The following TEX9 variants were observed in gnomAD, a reference collection of about 807,000 sequenced individuals.
TEX9 encodes testis expressed 9.
Under a neutral mutation model 59.6 loss-of-function variants are expected in TEX9, and 74 were observed. The observed-to-expected ratio is 1.24, with a 90% confidence interval of 1.03 to 1.51. The LOEUF is 1.51. Ranked by LOEUF, TEX9 falls within the 40% of genes most tolerant of loss-of-function variation. The pLI is 0.00. For missense variants in TEX9, 522 were observed against 447.8 expected, an observed-to-expected ratio of 1.17 and a Z score of -1.49; for synonymous variants, 186 against 152.2, an observed-to-expected ratio of 1.22 and a Z score of -1.64.
At chr15:56,374,880 C>A (rs1331878180) in intron 3 of TEX9, among the ~76,000 whole-genome samples, 1 of 152,124 alleles carries the variant, frequency 6.6e-6, no homozygotes, top group Non-Finnish European at 1.5e-5. Flanking sequence ...GACAGGGCCT[C>A]ATTATTTTTT....
chr15:56,395,124 A>G, intron 9 of TEX9: 2 of 382,248 alleles, frequency 5.2e-6, no homozygotes, highest in Non-Finnish European at 4.6e-6. Context: ...CCACACCCTG[A>G]CCCTGCTCCC....
chr15:56,273,244 C>T (rs182289751), intron 1 of TEX9, among the ~76,000 whole-genome samples: 3 of 152,142 alleles, frequency 2.0e-5, no homozygotes, highest in East Asian at 1.9e-4. Flanking sequence ...CACACCCGGC[C>T]GAATTGTGTA....
intron 1 of TEX9, among the ~76,000 whole-genome samples, chr15:56,272,788 C>T (rs142261031): frequency 0.014 from 2,076 of 152,244 alleles, 24 homozygotes; most frequent in Non-Finnish European, 0.019. Flanking sequence ...ACATCATTTA[C>T]ATTAAATGAA....
At chr15:56,349,519 T>A (rs2046535164) in intron 1 of TEX9, among the ~76,000 whole-genome samples, 9 of 152,128 alleles carry the variant, frequency 5.9e-5, no homozygotes, top group Admixed American at 5.9e-4. Context: ...TTTCTATGAG[T>A]ATTTTAGCAA....
chr15:56,253,317 G>A (rs968845043), intron 1 of TEX9, among the ~76,000 whole-genome samples: 8 of 152,252 alleles, frequency 5.3e-5, no homozygotes, highest in Middle Eastern at 3.4e-3. Context: ...CATAAAACAA[G>A]GAGAGGTTCA....
chr15:56,306,472 C>A (rs1464282461), intron 1 of TEX9, among the ~76,000 whole-genome samples: 3 of 152,024 alleles, frequency 2.0e-5, no homozygotes, highest in African/African-American at 7.2e-5. Flanking sequence ...ATGGGTGGAA[C>A]TGAGGTTTAT....
At chr15:56,406,314 A>T (rs1596199609) in intron 9 of TEX9, among the ~76,000 whole-genome samples, 1 of 152,072 alleles carries the variant, frequency 6.6e-6, no homozygotes, top group East Asian at 1.9e-4. Flanking sequence ...GCTCCATATT[A>T]CTTATTTATG....
intron 1 of TEX9, among the ~76,000 whole-genome samples, chr15:56,312,677 T>G (rs2045651699): frequency 8.0e-6 from 1 of 125,598 alleles, no homozygotes; most frequent in Non-Finnish European, 1.7e-5. Context: ...TCCAATTCTG[T>G]GAAGAAAGTC....
intron 12 of TEX9, among the ~76,000 whole-genome samples, chr15:56,438,245 A>G (rs1422056378): frequency 6.6e-6 from 1 of 152,240 alleles, no homozygotes; most frequent in African/African-American, 2.4e-5. Context: ...CCAAAACAGC[A>G]TGGTACTGCT....
chr15:56,456,403 C>T, the TEX9 span: 4 of 1,605,296 alleles, frequency 2.5e-6, no homozygotes, highest in Non-Finnish European at 3.4e-6. Flanking sequence ...CCTGTTTTCT[C>T]TTACTTGTTG....
intron 7 of TEX9, among the ~76,000 whole-genome samples, chr15:56,392,084 T>C (rs2048243355): frequency 6.6e-6 from 1 of 151,888 alleles, no homozygotes. Context: ...ATAATACAAT[T>C]AATTGTGACT....
chr15:56,329,008 A>G (rs2046085436), intron 1 of TEX9, among the ~76,000 whole-genome samples: 2 of 150,832 alleles, frequency 1.3e-5, no homozygotes, highest in South Asian at 4.1e-4. Context: ...GGTTTGACCC[A>G]GAGCAGTCCC....
At chr15:56,297,751 C>T (rs1327558827) in intron 1 of TEX9, among the ~76,000 whole-genome samples, 3 of 152,200 alleles carry the variant, frequency 2.0e-5, no homozygotes, top group East Asian at 1.9e-4. Context: ...GCAATCCACC[C>T]GCCTTGGCCT....
chr15:56,280,886 T>A (rs190391008), intron 1 of TEX9, among the ~76,000 whole-genome samples: 57 of 152,322 alleles, frequency 3.7e-4, no homozygotes, highest in African/African-American at 1.3e-3. Context: ...GCTAAAGTAA[T>A]TTCAACCATG....
chr15:56,315,902 C>T (rs1285030257), intron 1 of TEX9, among the ~76,000 whole-genome samples: 1 of 151,224 alleles, frequency 6.6e-6, no homozygotes, highest in Non-Finnish European at 1.5e-5. Context: ...TTATTCATTT[C>T]ATCTTCCATC....
intron 1 of TEX9, among the ~76,000 whole-genome samples, chr15:56,357,625 T>C (rs955122194): frequency 1.3e-5 from 2 of 152,194 alleles, no homozygotes; most frequent in African/African-American, 4.8e-5. Context: ...CTGTTCATTC[T>C]GAATAATTTT....
intron 1 of TEX9, among the ~76,000 whole-genome samples, chr15:56,287,114 G>A (rs538120655): frequency 1.3e-5 from 2 of 152,188 alleles, no homozygotes; most frequent in Non-Finnish European, 2.9e-5. Flanking sequence ...TGAAATAAAC[G>A]TTATGTCAAT....
At chr15:56,328,660 C>G (rs540829905) in intron 1 of TEX9, among the ~76,000 whole-genome samples, 5 of 152,258 alleles carry the variant, frequency 3.3e-5, no homozygotes, top group African/African-American at 1.2e-4. Flanking sequence ...CTTCAAGGAC[C>G]TGTGGTAGTA....
intron 4 of TEX9, among the ~76,000 whole-genome samples, chr15:56,386,477 TTC>T (rs2047966031): frequency 6.6e-6 from 1 of 152,008 alleles, no homozygotes; most frequent in Non-Finnish European, 1.5e-5. Context: ...TTAGTGCCAG[TTC>T]TAGCTACTGG....
Sources: allele counts gnomAD v4.1 joint callset (sites outside exome capture counted in the v4.1 genomes callset), GRCh38; gene constraint gnomAD v4.1.1; transcripts MANE v1.5; gene names NCBI Gene and HGNC (gene_info 2026-07-23, HGNC 2026-07-21).